OSBPL11: variants seen among roughly 807,000 people sequenced by gnomAD.
OSBPL11 encodes oxysterol binding protein like 11, also known as oxysterol-binding protein-related protein 11.
In OSBPL11, 33 loss-of-function variants were observed where a neutral mutation model predicts 84.4. The ratio of observed to expected loss-of-function variants is 0.39; its 90% CI spans 0.30 to 0.52. The LOEUF (loss-of-function observed/expected upper bound fraction) is 0.52, where lower values mean the gene tolerates loss of function less well. Ranked by LOEUF, OSBPL11 falls within the 20% of genes least tolerant of loss-of-function variation. OSBPL11 has a pLI of 0.72. For missense variants in OSBPL11, 736 were observed against 901.1 expected, an observed-to-expected ratio of 0.82 and a Z score of 2.35; for synonymous variants, 276 against 310.2, an observed-to-expected ratio of 0.89 and a Z score of 1.16.
At chr3:125,530,653 A>G in intron 12 of OSBPL11, 73 bp from the exon 13 acceptor site, 1 of 1,152,418 alleles carries the variant, frequency 8.7e-7, no homozygotes, top group Non-Finnish European at 1.3e-6. Context: ...TAGAAGCAAC[A>G]CCTTCACTGA....
intron 6 of OSBPL11, among the ~76,000 whole-genome samples, chr3:125,566,151 G>A (rs1246592599): frequency 6.6e-6 from 1 of 151,898 alleles, no homozygotes; most frequent in African/African-American, 2.4e-5. Flanking sequence ...GATTACAGGC[G>A]CCTGCCACCA....
chr3:125,567,365 T>A, intron 6 of OSBPL11, 29 bp downstream of exon 6: 1 of 1,566,462 alleles, frequency 6.4e-7, no homozygotes, highest in Non-Finnish European at 8.8e-7. Flanking sequence ...GCCTTCATTG[T>A]GAAGCCCTAC....
intron 1 of OSBPL11, among the ~76,000 whole-genome samples, chr3:125,592,276 T>C (rs1029801369): frequency 1.3e-5 from 2 of 152,086 alleles, no homozygotes; most frequent in African/African-American, 2.4e-5. Context: ...TGGGCTCAAG[T>C]AATGCTCCCA....
In OSBPL11 at chr3:125,595,027, A is replaced by C; in HGVS notation, c.-227T>G. 2.1e-6 allele frequency: 1 copy of C among 480,970 alleles called. No individual in the cohort carries two copies. Among genetic ancestry groups the C allele is most frequent in the Non-Finnish European group, 3.7e-6 (1 of 268,306 alleles). The allele number at this position is 480,970 out of a possible 1,614,324, so 29.8% of individuals were successfully genotyped here. On this transcript the variant is annotated 5_prime_UTR_variant, in exon 1 of 13. The change abolishes an upstream ATG in the 5' untranslated region. Transcript: ENST00000296220. ...AGCAACGAGGACAGATATCCTTCAC[A>C]TGTATCTCTCTCCTTTCCGGCAAAA... is the stretch of plus-strand genomic sequence containing the variant.
At chr3:125,543,883 G>A (rs1267517078) in intron 10 of OSBPL11, among the ~76,000 whole-genome samples, 1 of 152,046 alleles carries the variant, frequency 6.6e-6, no homozygotes, top group African/African-American at 2.4e-5. Flanking sequence ...CTGGGCGACA[G>A]AGTGAGACTC....
chr3:125,576,047 C>A (rs551872186), intron 5 of OSBPL11, 142 bp downstream of exon 5: 2 of 681,048 alleles, frequency 2.9e-6, no homozygotes, highest in Non-Finnish European at 4.7e-6. Context: ...GGAATGTTTA[C>A]GACTTAAAAA....
chr3:125,554,140 G>C (rs947623027), intron 8 of OSBPL11, among the ~76,000 whole-genome samples: 1 of 152,204 alleles, frequency 6.6e-6, no homozygotes, highest in South Asian at 2.1e-4. Context: ...CACACTGTTA[G>C]TAACTACCCT....
intron 1 of OSBPL11, among the ~76,000 whole-genome samples, chr3:125,585,490 GTTA>G (rs1936493560): frequency 6.7e-6 from 1 of 149,958 alleles, no homozygotes; most frequent in Admixed American, 6.7e-5. Context: ...ATTTTCTAAT[GTTA>G]TTAATATTTT....
intron 1 of OSBPL11, among the ~76,000 whole-genome samples, chr3:125,594,124 T>C (rs1174067205): frequency 6.6e-6 from 1 of 152,180 alleles, no homozygotes; most frequent in Non-Finnish European, 1.5e-5. Context: ...CATTAGGATC[T>C]CTACCTTTGT....
intron 1 of OSBPL11, among the ~76,000 whole-genome samples, chr3:125,590,059 T>G (rs1936573769): frequency 6.6e-6 from 1 of 152,118 alleles, no homozygotes; most frequent in African/African-American, 2.4e-5. Flanking sequence ...CAAGCTGACA[T>G]GAAGAATACA....
At chr3:125,538,081 C>A (rs189980711) in intron 11 of OSBPL11, among the ~76,000 whole-genome samples, 1 of 152,292 alleles carries the variant, frequency 6.6e-6, no homozygotes, top group East Asian at 1.9e-4. Context: ...TTAAGATGTT[C>A]CGATATTTTT....
chr3:125,534,397 AAAAG>A (rs1179894500), intron 11 of OSBPL11, among the ~76,000 whole-genome samples: 4 of 152,094 alleles, frequency 2.6e-5, no homozygotes, highest in Non-Finnish European at 5.9e-5. Context: ...TAAAAAAAAA[AAAAG>A]AAACATTTAC....
chr3:125,573,491 G>A (rs1335333310), intron 5 of OSBPL11, among the ~76,000 whole-genome samples: 1 of 152,164 alleles, frequency 6.6e-6, no homozygotes, highest in Non-Finnish European at 1.5e-5. Flanking sequence ...GAGTAAATAG[G>A]AAACAGATGA....
At chr3:125,558,180 G>A (rs929212585) in intron 8 of OSBPL11, among the ~76,000 whole-genome samples, 9 of 152,186 alleles carry the variant, frequency 5.9e-5, no homozygotes, top group Admixed American at 3.9e-4. Context: ...CTTCTACCAT[G>A]TGGATTACTA....
intron 8 of OSBPL11, among the ~76,000 whole-genome samples, chr3:125,555,797 G>A (rs1935983073): frequency 6.6e-6 from 1 of 152,070 alleles, no homozygotes; most frequent in Admixed American, 6.6e-5. Context: ...TGATTCCTGT[G>A]CCTCAGCCTC....
intron 12 of OSBPL11, among the ~76,000 whole-genome samples, chr3:125,531,592 C>A (rs578236045): frequency 8.2e-4 from 124 of 152,076 alleles, no homozygotes; most frequent in African/African-American, 2.9e-3. Flanking sequence ...AGCCCGGCCA[C>A]CCCCTAGCTC....
intron 9 of OSBPL11, among the ~76,000 whole-genome samples, chr3:125,550,852 T>G (rs1470381768): frequency 6.6e-6 from 1 of 152,178 alleles, no homozygotes; most frequent in Non-Finnish European, 1.5e-5. Flanking sequence ...GAATAGCACC[T>G]AAATATTCTA....
chr3:125,586,441 T>C (rs973532245), intron 1 of OSBPL11, among the ~76,000 whole-genome samples: 7 of 152,208 alleles, frequency 4.6e-5, no homozygotes, highest in African/African-American at 1.7e-4. Flanking sequence ...TTTAGTTTGA[T>C]ACTCATTTTC....
intron 8 of OSBPL11, among the ~76,000 whole-genome samples, chr3:125,554,010 T>G (rs1420553241): frequency 6.6e-6 from 1 of 152,164 alleles, no homozygotes; most frequent in Non-Finnish European, 1.5e-5. Context: ...CTAAAAAGGC[T>G]CAGGAGCTGA....
Sources: allele counts gnomAD v4.1 joint callset (sites outside exome capture counted in the v4.1 genomes callset), GRCh38; gene constraint gnomAD v4.1.1; transcripts MANE v1.5; gene names NCBI Gene and HGNC (gene_info 2026-07-23, HGNC 2026-07-21).